ALPL: variants seen among roughly 807,000 people sequenced by gnomAD.
The protein encoded by ALPL is alkaline phosphatase, biomineralization associated.
A neutral mutation model predicts 51.3 loss-of-function variants in ALPL; 42 were observed. The ratio of observed to expected loss-of-function variants is 0.82; its 90% confidence interval spans 0.64 to 1.06. The LOEUF is 1.06. Among genes scored for constraint, ALPL ranks in the 50% least tolerant of loss-of-function variants. The pLI is 0.00. For missense variants in ALPL, 589 were observed against 709.4 expected (o/e 0.83, Z 1.93); for synonymous variants, 279 against 296.4 (o/e 0.94, Z 0.60).
intron 7 of ALPL, among the ~76,000 whole-genome samples, chr1:21,569,280 C>T (rs150396003): frequency 6.6e-6 from 1 of 152,212 alleles, no homozygotes; most frequent in African/African-American, 2.4e-5. Context: ...GCTTCATCCT[C>T]CTTGCCCAGG....
intron 7 of ALPL, among the ~76,000 whole-genome samples, chr1:21,569,493 C>A (rs531538315): frequency 1.3e-5 from 2 of 152,058 alleles, no homozygotes; most frequent in East Asian, 3.9e-4. Context: ...TCGGTGCCCT[C>A]ATCTGTAAAG....
chr1:21,524,648 T>C (rs1164356170), intron 1 of ALPL, among the ~76,000 whole-genome samples: 2 of 152,202 alleles, frequency 1.3e-5, no homozygotes, highest in Non-Finnish European at 2.9e-5. Context: ...GAGTACTAGA[T>C]AATTCTCTGC....
intron 6 of ALPL, among the ~76,000 whole-genome samples, chr1:21,567,370 C>A (rs146618326): frequency 2.0e-5 from 3 of 147,662 alleles, no homozygotes; most frequent in Non-Finnish European, 4.4e-5. Context: ...AACAGTCCCG[C>A]GTCCGTCTGC....
At chr1:21,512,795 T>A (rs1008277649) in intron 1 of ALPL, among the ~76,000 whole-genome samples, 1 of 152,198 alleles carries the variant, frequency 6.6e-6, no homozygotes, top group South Asian at 2.1e-4. Flanking sequence ...TTTCCATGCT[T>A]AAATTCTCAG....
At chr1:21,547,606 T>C (rs1481849344) in intron 1 of ALPL, among the ~76,000 whole-genome samples, 1 of 152,174 alleles carries the variant, frequency 6.6e-6, no homozygotes, top group African/African-American at 2.4e-5. Flanking sequence ...TTTGTTCTCG[T>C]GAGATGGAGC....
intron 8 of ALPL, among the ~76,000 whole-genome samples, chr1:21,571,696 C>CA (rs1644650998): frequency 6.9e-6 from 1 of 144,302 alleles, no homozygotes; most frequent in African/African-American, 2.6e-5. Flanking sequence ...AGAACAAACA[C>CA]GAAAAAACTT....
chr1:21,573,903 A>C lies in ALPL; in HGVS notation c.997+104A>C, dbSNP rs2275372. The C allele has an allele frequency of 0.15, 232,168 of 1,567,210 alleles. 21,872 individuals carry two copies. Among genetic ancestry groups the C allele is most frequent in the East Asian group, 0.5 (21,691 of 43,094 alleles). On this transcript the variant is annotated intron_variant, in intron 9 of 11. Transcript: ENST00000374840. ...AGGGAACTGACTGGTTTGGGGGTGA[A>C]GGGAGAGGTCCCTTTAGGAGAATAG...
chr1:21,534,791 G>A (rs1644075982), intron 1 of ALPL, among the ~76,000 whole-genome samples: 1 of 152,184 alleles, frequency 6.6e-6, no homozygotes, highest in South Asian at 2.1e-4. Flanking sequence ...GGACTTGAGA[G>A]TTATCCTGAA....
At chr1:21,576,399 C>A in intron 10 of ALPL, 123 bp from the exon 11 acceptor site, 1 of 1,319,090 alleles carries the variant, frequency 7.6e-7, no homozygotes, top group Non-Finnish European at 1.0e-6. Flanking sequence ...TTCTTGGAGG[C>A]ATTGCAGGGC....
intron 10 of ALPL, 127 bp downstream of exon 10, chr1:21,576,051 G>A (rs964559115): frequency 6.8e-6 from 8 of 1,183,832 alleles, no homozygotes; most frequent in East Asian, 4.7e-5. Context: ...GGGTGGGGAG[G>A]AAGAGTTACT....
chr1:21,572,001 G>A (rs967689323), intron 8 of ALPL, among the ~76,000 whole-genome samples: 2 of 151,672 alleles, frequency 1.3e-5, no homozygotes, highest in African/African-American at 4.8e-5. Context: ...TTAAAAAAAA[G>A]AAAGAAAGAA....
intron 4 of ALPL, among the ~76,000 whole-genome samples, chr1:21,561,903 G>T (rs1047258652): frequency 6.6e-6 from 1 of 152,076 alleles, no homozygotes; most frequent in Non-Finnish European, 1.5e-5. Flanking sequence ...CTGACCCCAG[G>T]TGATCTGCCC....
At chr1:21,574,335 G>C (rs1424398700) in intron 9 of ALPL, 1 of 415,368 alleles carries the variant, frequency 2.4e-6, no homozygotes, top group Non-Finnish European at 3.3e-6. Context: ...ATTGTGTTCA[G>C]AGACATAAAG....
intron 1 of ALPL, among the ~76,000 whole-genome samples, chr1:21,516,578 G>C (rs1396044910): frequency 6.6e-6 from 1 of 152,214 alleles, no homozygotes; most frequent in Non-Finnish European, 1.5e-5. Context: ...TGGGAAGTGA[G>C]AAGTAGACAT....
At chr1:21,543,995 G>A (rs1447829846) in intron 1 of ALPL, among the ~76,000 whole-genome samples, 2 of 152,196 alleles carry the variant, frequency 1.3e-5, no homozygotes, top group Non-Finnish European at 2.9e-5. Flanking sequence ...TTGGCACAGG[G>A]GTGTCCCTGG....
In ALPL at chr1:21,573,436, C is replaced by CA. The variant is rs35155164; in HGVS notation, c.863-217dup. Among the ~76,000 whole-genome samples the CA allele has an allele frequency of 0.21, 23,659 of 113,794 alleles. 2,430 individuals carry two copies. Among genetic ancestry groups the CA allele is most frequent in the Middle Eastern group, 0.3 (61 of 206 alleles). 74.7% of individuals were successfully genotyped at this position (113,794 alleles called of 152,430 possible). ...TGGACAACAGAGTGAGACTCTGTCT[C>CA]AAAAAAAAAAAAGAAAAGAAAAGAA... is the stretch of plus-strand genomic sequence containing the variant. On this transcript the variant is annotated intron_variant, in intron 8 of 11. Transcript: ENST00000374840.
chr1:21,563,369 C>A, intron 5 of ALPL, 85 bp downstream of exon 5: 2 of 1,464,158 alleles, frequency 1.4e-6, no homozygotes, highest in African/African-American at 1.4e-5. Context: ...TGGGAAGGGG[C>A]TAGAAAAGGC....
At chr1:21,562,508 G>A (rs1644498022) in intron 4 of ALPL, among the ~76,000 whole-genome samples, 1 of 152,140 alleles carries the variant, frequency 6.6e-6, no homozygotes, top group Non-Finnish European at 1.5e-5. Context: ...GAGTAGTGGG[G>A]ACTATGGTGC....
intron 2 of ALPL, among the ~76,000 whole-genome samples, chr1:21,554,872 TC>T (rs1230913721): frequency 2.8e-5 from 3 of 106,944 alleles, no homozygotes; most frequent in African/African-American, 6.0e-5. Context: ...TTTCTTTCTT[TC>T]TCTCTTTCTT....
Sources: allele counts gnomAD v4.1 joint callset (sites outside exome capture counted in the v4.1 genomes callset), GRCh38; gene constraint gnomAD v4.1.1; transcripts MANE v1.5; gene names NCBI Gene and HGNC (gene_info 2026-07-23, HGNC 2026-07-21).